The following ENDOD1 variants were observed in gnomAD, a reference collection of about 807,000 sequenced individuals.
ENDOD1 encodes endonuclease domain-containing 1 protein.
In ENDOD1, 9 loss-of-function variants were observed where a neutral mutation model predicts 6.5. The ratio of observed to expected loss-of-function variants is 1.39; its 90% CI spans 0.84 to 2.43. The LOEUF (loss-of-function observed/expected upper bound fraction) is 2.43. ENDOD1 is among the 30% of genes most tolerant of loss of function. The pLI is 0.00. For missense variants in ENDOD1, 648 were observed against 635.5 expected (o/e 1.02, Z -0.21); for synonymous variants, 255 against 255.2 (o/e 1.00, Z 0.01).
chr11:95,092,482 G>T (rs1488203814), intron 1 of ENDOD1, among the ~76,000 whole-genome samples: 2 of 152,154 alleles, frequency 1.3e-5, no homozygotes, highest in Non-Finnish European at 2.9e-5. Flanking sequence ...AAGAAGATGG[G>T]AAGGGAGGGT....
chr11:95,130,437 T>C lies in ENDOD1; in HGVS notation c.*858T>C, dbSNP rs887613685. On this transcript the variant is annotated 3_prime_UTR_variant, in exon 2 of 2. Transcript: ENST00000278505. ...GGTGCTGCAGATCCAAGGACATCTTTTGTCCAGCTTGGATTAACTTGACGT... is the reference window on the plus strand; with the variant it reads ...GGTGCTGCAGATCCAAGGACATCTTCTGTCCAGCTTGGATTAACTTGACGT... The C allele has an allele frequency of 6.6e-6, 1 of 152,176 alleles. No individual in the cohort carries two copies. Among genetic ancestry groups the C allele is most frequent in the Admixed American group, 6.5e-5 (1 of 15,278 alleles). 9.4% of individuals were successfully genotyped at this position (152,176 alleles called of 1,614,324 possible).
intron 1 of ENDOD1, among the ~76,000 whole-genome samples, chr11:95,093,182 A>C (rs927975067): frequency 9.2e-5 from 14 of 152,374 alleles, no homozygotes; most frequent in Admixed American, 7.8e-4. Context: ...TGCAGAATGC[A>C]GTTTACAGGC....
chr11:95,122,514 AT>A (rs61480657), intron 1 of ENDOD1, among the ~76,000 whole-genome samples: 150,115 of 150,300 alleles, frequency 1, 74,965 homozygotes, highest in Admixed American at 1. Flanking sequence ...CTGGGTTTAT[AT>A]GTGCGTGAGC....
In ENDOD1 at chr11:95,128,698, A is replaced by G. The variant is rs75384502; in HGVS notation, c.622A>G (p.Arg208Gly). 7.3e-3 allele frequency: 11,787 copies of G among 1,614,146 alleles called. 354 individuals are homozygous for G. The African/African-American group carries it at 0.08, about 11-fold the overall frequency. The change falls in exon 2 of 2, where the codon AGA becomes GGA. Residue 208 changes from arginine to glycine, a missense_variant. By Grantham distance (125) the Arg-to-Gly change is moderately radical. Coordinates refer to ENST00000278505, the MANE Select transcript of ENDOD1 (RefSeq NM_015036.3). ...ILTGTVPSDY[R>G]VKDKVAVPEF... ...CACAGGCACAGTGCCCTCAGACTACAGAGTTAAAGACAAAGTGGCAGTCCC... is the reference window on the plus strand; with the variant it reads ...CACAGGCACAGTGCCCTCAGACTACGGAGTTAAAGACAAAGTGGCAGTCCC...
At chr11:95,121,041 T>G (rs1449314839) in intron 1 of ENDOD1, among the ~76,000 whole-genome samples, 1 of 152,190 alleles carries the variant, frequency 6.6e-6, no homozygotes, top group African/African-American at 2.4e-5. Flanking sequence ...AGTGCTGCTG[T>G]GGGATGGTGG....
chr11:95,090,237 G>A lies in ENDOD1; in HGVS notation c.300+10G>A. On this transcript the variant is annotated intron_variant, in intron 1 of 1. Coordinates refer to ENST00000278505, the MANE Select transcript of ENDOD1 (RefSeq NM_015036.3). ...GCTGGTGGAGCCGCAGGTAAGCGAA[G>A]TGGTTCCCGAGCCGGGCTGCGGGCG... 7.3e-7 allele frequency: 1 copy of A among 1,373,834 alleles called. No individual in the cohort carries two copies. Among genetic ancestry groups the A allele is most frequent in the South Asian group, 1.7e-5 (1 of 60,088 alleles). 85.1% of individuals were successfully genotyped at this position (1,373,834 alleles called of 1,614,324 possible).
At chr11:95,121,475 C>T (rs1448077451) in intron 1 of ENDOD1, among the ~76,000 whole-genome samples, 1 of 152,206 alleles carries the variant, frequency 6.6e-6, no homozygotes, top group East Asian at 1.9e-4. Flanking sequence ...TTTTCAGTTT[C>T]AATGCCTCCT....
intron 1 of ENDOD1, among the ~76,000 whole-genome samples, chr11:95,109,995 G>T (rs781980507): frequency 1.1e-4 from 16 of 152,260 alleles, no homozygotes; most frequent in Admixed American, 1.3e-4. Context: ...TGCTGGGGGT[G>T]TAAGTACAAA....
chr11:95,112,349 C>T (rs1212053168), intron 1 of ENDOD1, among the ~76,000 whole-genome samples: 1 of 152,076 alleles, frequency 6.6e-6, no homozygotes, highest in African/African-American at 2.4e-5. Flanking sequence ...GCTTTGAAAT[C>T]AGAGAAGCTG....
intron 1 of ENDOD1, among the ~76,000 whole-genome samples, chr11:95,095,985 A>G (rs1555110265): frequency 6.6e-6 from 1 of 152,214 alleles, no homozygotes; most frequent in Non-Finnish European, 1.5e-5. Flanking sequence ...CTACTAACAT[A>G]CCATTCTGTA....
chr11:95,113,730 G>A (rs1859172915), intron 1 of ENDOD1, among the ~76,000 whole-genome samples: 2 of 152,114 alleles, frequency 1.3e-5, no homozygotes, highest in Non-Finnish European at 2.9e-5. Flanking sequence ...GTATCTCTTC[G>A]ATATACTGAT....
At chr11:95,128,084 G>A (rs1859328308) in intron 1 of ENDOD1, among the ~76,000 whole-genome samples, 2 of 152,216 alleles carry the variant, frequency 1.3e-5, no homozygotes, top group South Asian at 4.1e-4. Flanking sequence ...ATTTTAAAAA[G>A]AACATCACGA....
At chr11:95,127,417 C>G (rs990919107) in intron 1 of ENDOD1, among the ~76,000 whole-genome samples, 11 of 152,130 alleles carry the variant, frequency 7.2e-5, no homozygotes, top group Non-Finnish European at 1.6e-4. Flanking sequence ...TTAGTCATAG[C>G]AAATATTGGG....
At chr11:95,127,592 A>C (rs1859323996) in intron 1 of ENDOD1, among the ~76,000 whole-genome samples, 1 of 152,218 alleles carries the variant, frequency 6.6e-6, no homozygotes, top group African/African-American at 2.4e-5. Context: ...ATTCATTAGG[A>C]ACATGTGCAT....
Position 95,116,648 on chromosome 11 carries a change from G to T in ENDOD1, c.301-11729G>T, listed in dbSNP as rs187909696. ...GCCTATAGACTTCCCTCTTAGTATT[G>T]CTTTTGCTGTATCCCATAGGTTTTG... On this transcript the variant is annotated intron_variant, in intron 1 of 1. Transcript: ENST00000278505. Among the ~76,000 whole-genome samples, 3 of 152,086 alleles carry T rather than the reference G, an allele frequency of 2.0e-5. No homozygotes were observed. In the East Asian group the frequency reaches 5.8e-4, roughly 29 times the overall value.
Position 95,089,872 on chromosome 11 carries a change from G to C in ENDOD1, c.-56G>C, listed in dbSNP as rs1858907220. 1.6e-6 allele frequency: 2 copies of C among 1,284,844 alleles called. No homozygotes were observed. The highest frequency in any genetic ancestry group is 2.0e-6 in the Non-Finnish European group (2 of 1,014,120). 79.6% of individuals were successfully genotyped at this position (1,284,844 alleles called of 1,614,324 possible). A position where few individuals can be genotyped will look rare whatever the true frequency, so the allele number is the denominator to read the frequency against. Reference sequence around the variant, plus strand: ...TAGTGCGCTCCCCGCCCAGCCTGCAGAGCTCGCGCCGCGGCAGCCCAGCCG... The same window carrying C: ...TAGTGCGCTCCCCGCCCAGCCTGCACAGCTCGCGCCGCGGCAGCCCAGCCG... On this transcript the variant is annotated 5_prime_UTR_variant, in exon 1 of 2. Transcript: ENST00000278505.
At chr11:95,100,301 T>C (rs1415082918) in intron 1 of ENDOD1, among the ~76,000 whole-genome samples, 3 of 152,166 alleles carry the variant, frequency 2.0e-5, no homozygotes, top group Non-Finnish European at 2.9e-5. Context: ...ATCCTTTCTC[T>C]ACTCTGAAGG....
At chr11:95,115,328 G>C (rs782020052) in intron 1 of ENDOD1, among the ~76,000 whole-genome samples, 1 of 147,542 alleles carries the variant, frequency 6.8e-6, no homozygotes, top group South Asian at 2.1e-4. Context: ...CTGATTTTTT[G>C]TAGTTTATTT....
intron 1 of ENDOD1, among the ~76,000 whole-genome samples, chr11:95,122,746 T>C (rs1855111952): frequency 6.6e-6 from 1 of 152,194 alleles, no homozygotes; most frequent in South Asian, 2.1e-4. Flanking sequence ...ATTTTTCAGA[T>C]GATTCTTCAA....
Sources: allele counts gnomAD v4.1 joint callset (sites outside exome capture counted in the v4.1 genomes callset), GRCh38; gene constraint gnomAD v4.1.1; transcripts MANE v1.5; gene names NCBI Gene and HGNC (gene_info 2026-07-23, HGNC 2026-07-21).